Variants in EP300 observed in about 807,000 individuals in gnomAD.
EP300 encodes the protein histone acetyltransferase p300.
A neutral mutation model predicts 264.0 loss-of-function variants in EP300; 31 were observed. The ratio of observed to expected loss-of-function variants is 0.12; its 90% CI spans 0.09 to 0.16. The LOEUF (loss-of-function observed/expected upper bound fraction) is 0.16. Ranked by LOEUF, EP300 falls within the 10% of genes least tolerant of loss-of-function variation. The pLI is 1.00. For synonymous variants in EP300, 1,340 were observed against 1,045.4 expected, an observed-to-expected ratio of 1.28 and a Z score of -5.44; for missense variants, 2,766 against 3,052.9, an observed-to-expected ratio of 0.91 and a Z score of 2.21.
intron 19 of EP300, chr22:41,158,968 A>G (rs2059093185): frequency 5.9e-6 from 1 of 168,380 alleles, no homozygotes; most frequent in Admixed American, 5.7e-5. Flanking sequence ...TTTGCCTCAT[A>G]TTAAGCAAAT....
At chr22:41,133,045 T>A (rs765707349) in intron 6 of EP300, among the ~76,000 whole-genome samples, 4 of 152,128 alleles carry the variant, frequency 2.6e-5, no homozygotes, top group South Asian at 4.1e-4. Flanking sequence ...AGAGACCAGG[T>A]CTTGTCCAGG....
intron 1 of EP300, among the ~76,000 whole-genome samples, chr22:41,115,355 A>C (rs1198431255): frequency 2.0e-5 from 3 of 152,224 alleles, no homozygotes; most frequent in African/African-American, 7.2e-5. Flanking sequence ...CACCCACAAC[A>C]AAGAATTATC....
chr22:41,115,793 T>C (rs1294660837), intron 1 of EP300, among the ~76,000 whole-genome samples: 1 of 152,214 alleles, frequency 6.6e-6, no homozygotes, highest in African/African-American at 2.4e-5. Context: ...GGCTAGACTT[T>C]GGTTAAGGAA....
chr22:41,111,980 C>T (rs1173677584), intron 1 of EP300, among the ~76,000 whole-genome samples: 10 of 135,826 alleles, frequency 7.4e-5, no homozygotes, highest in East Asian at 4.9e-4. Flanking sequence ...CTCCGCCTCC[C>T]GGGTTCACGC....
chr22:41,096,162 C>CA (rs950010381), intron 1 of EP300, among the ~76,000 whole-genome samples: 52 of 145,268 alleles, frequency 3.6e-4, no homozygotes, highest in Admixed American at 8.9e-4. Flanking sequence ...CCTCTCCCTC[C>CA]AAAAAAAAAA....
At chr22:41,130,311 A>G (rs2058911097) in intron 5 of EP300, among the ~76,000 whole-genome samples, 1 of 151,970 alleles carries the variant, frequency 6.6e-6, no homozygotes, top group East Asian at 1.9e-4. Flanking sequence ...TGTCATCCCA[A>G]CAGTTTTGGA....
rs35506286 is a variant in EP300, at chr22:41,170,653, CTTTTTTTTT to C, written c.4452+100_4452+108del. On this transcript the variant is annotated intron_variant, in intron 27 of 30. Coordinates refer to ENST00000263253, the MANE Select transcript of EP300 (RefSeq NM_001429.4). Reference sequence around the variant, plus strand: ...TGCTGCTCTTTGTTCTGTCATTTAACTTTTTTTTTTTTTTTTTTTTTTTTTTGAGACGGA... The same window carrying C: ...TGCTGCTCTTTGTTCTGTCATTTAACTTTTTTTTTTTTTTTTTGAGACGGA... 4.3e-4 allele frequency: 169 copies of C among 391,570 alleles called. 2 individuals are homozygous for C. Among genetic ancestry groups the C allele is most frequent in the East Asian group, 4.2e-3 (75 of 17,722 alleles). The allele number at this position is 391,570 out of a possible 1,614,324, so 24.3% of individuals were successfully genotyped here. A position where few individuals can be genotyped will look rare whatever the true frequency, so the allele number is the denominator to read the frequency against.
rs777976440 is a variant in EP300 at position 41,149,968 on chromosome 22, G to A, written c.2587G>A (p.Val863Ile). ...QPPATTIPAP[V>I]PTPPAMPPGP... ...ACCAGCAACAACAATTCCAGCCCCT[G>A]TTCCTACACCTCCTGCCATGCCACC... The change falls in exon 14 of 31, where the codon GTT (valine) becomes ATT (isoleucine). Residue 863 changes from valine to isoleucine, a missense_variant. By Grantham distance (29) the Val-to-Ile change is conservative (BLOSUM62 3). Coordinates refer to ENST00000263253, the MANE Select transcript of EP300 (RefSeq NM_001429.4). 2 of 1,613,414 alleles carry A rather than the reference G, an allele frequency of 1.2e-6. No individual in the cohort carries two copies. Among genetic ancestry groups the A allele is most frequent in the East Asian group, 4.5e-5 (2 of 44,856 alleles).
At chr22:41,116,380 A>G (rs1024009542) in intron 1 of EP300, among the ~76,000 whole-genome samples, 4 of 151,994 alleles carry the variant, frequency 2.6e-5, no homozygotes, top group Non-Finnish European at 5.9e-5. Flanking sequence ...CCCATCCCCC[A>G]GCAGGCCCTG....
rs1011398762 is a variant in EP300 at position 41,169,708 on chromosome 22, C to T, written c.4286+92C>T. The T allele has an allele frequency of 6.5e-6, 5 of 773,458 alleles. No homozygotes were observed. In the African/African-American group the frequency reaches 6.9e-5, roughly 11 times the overall value. The allele number at this position is 773,458 out of a possible 1,614,324, so 47.9% of individuals were successfully genotyped here. On this transcript the variant is annotated intron_variant, in intron 26 of 30. Transcript: ENST00000263253. ...AATATGCAAATATATAACTCTTGGCCTTTTTTTCCTCATTTTAGTTCTTAC... is the reference window on the plus strand; with the variant it reads ...AATATGCAAATATATAACTCTTGGCTTTTTTTTCCTCATTTTAGTTCTTAC...
intron 14 of EP300, among the ~76,000 whole-genome samples, chr22:41,150,559 C>A (rs1419236935): frequency 2.0e-5 from 3 of 152,030 alleles, no homozygotes; most frequent in Non-Finnish European, 2.9e-5. Context: ...CTTTTTCAAA[C>A]AGTTTGAGCC....
In EP300 at chr22:41,176,447, G is replaced by A. The variant is rs570470790; in HGVS notation, c.4980G>A (p.Thr1660=). ...STMCMLVELH[T]QSQDRFVYTC... is the part of the protein sequence containing the mutation. ...TGTGCATGCTGGTGGAGCTGCACAC[G>A]CAGAGCCAGGACCGCTTTGTCTACA... Residue 1660 remains threonine (T), a synonymous_variant, in exon 30 of 31, where the codon ACG becomes ACA. Coordinates refer to ENST00000263253, the MANE Select transcript of EP300 (RefSeq NM_001429.4). The A allele has an allele frequency of 1.2e-5, 19 of 1,614,192 alleles. No individual in the cohort carries two copies. The highest frequency in any genetic ancestry group is 3.3e-5 in the Admixed American group (2 of 60,018).
At chr22:41,098,199 C>T (rs1405541215) in intron 1 of EP300, among the ~76,000 whole-genome samples, 1 of 151,858 alleles carries the variant, frequency 6.6e-6, no homozygotes, top group African/African-American at 2.4e-5. Flanking sequence ...GATTTTTTTT[C>T]GCTTAATAGA....
intron 1 of EP300, among the ~76,000 whole-genome samples, chr22:41,114,804 A>T (rs972150843): frequency 1.4e-5 from 2 of 141,920 alleles, no homozygotes; most frequent in African/African-American, 5.2e-5. Context: ...TAAAAGATAC[A>T]GAAGGAGCAG....
At position 41,150,021 on chromosome 22, in the gene EP300, C is replaced by G. The variant is rs769353664; in HGVS notation, c.2640C>G (p.Pro880=). The change falls in exon 14 of 31, where the codon CCC becomes CCG. Residue 880 remains proline (P), a synonymous_variant. Coordinates refer to ENST00000263253, the MANE Select transcript of EP300 (RefSeq NM_001429.4). ...PPGPQSQALH[P]PPRQTPTPPT... ...GGCCACAGTCCCAGGCTCTACATCC[C>G]CCTCCAAGGCAGACACCTACACCAC... 3.1e-6 allele frequency: 5 copies of G among 1,613,920 alleles called. No homozygotes were observed. Among genetic ancestry groups the G allele is most frequent in the African/African-American group, 1.3e-5 (1 of 74,882 alleles).
rs1299747862 is a variant in EP300 at position 41,179,648 on chromosome 22, TAGAG to T, written c.*696_*699del. 4 of 226,218 alleles carry T rather than the reference TAGAG, an allele frequency of 1.8e-5. No individual in the cohort carries two copies. Among genetic ancestry groups the T allele is most frequent in the Non-Finnish European group, 3.5e-5 (4 of 113,864 alleles). The allele number at this position is 226,218 out of a possible 1,614,324, so 14.0% of individuals were successfully genotyped here. A position where few individuals can be genotyped will look rare whatever the true frequency, so the allele number is the denominator to read the frequency against. On this transcript the variant is annotated 3_prime_UTR_variant, in exon 31 of 31. Coordinates refer to ENST00000263253, the MANE Select transcript of EP300 (RefSeq NM_001429.4). ...CAAGTATTAAAATAATTTGTACATG[TAGAG>T]AGAAAAATGACTTTTTCAAAAATAT...
At chr22:41,139,377 G>T (rs143128231) in intron 8 of EP300, among the ~76,000 whole-genome samples, 2,762 of 152,276 alleles carry the variant, frequency 0.018, 77 homozygotes, top group African/African-American at 0.064. Flanking sequence ...GACTATTCAG[G>T]AACTTTTATT....
intron 14 of EP300, 70 bp from the exon 15 acceptor site, chr22:41,151,763 C>T (rs904450534): frequency 3.3e-6 from 5 of 1,501,130 alleles, no homozygotes; most frequent in South Asian, 1.1e-5. Flanking sequence ...TGTTGCTTAC[C>T]TTACATTCTG....
At chr22:41,144,347 T>G (rs2058999024) in intron 10 of EP300, among the ~76,000 whole-genome samples, 1 of 152,116 alleles carries the variant, frequency 6.6e-6, no homozygotes, top group Non-Finnish European at 1.5e-5. Context: ...TTTCTTTACC[T>G]CTAAATATTT....
Sources: allele counts gnomAD v4.1 joint callset (sites outside exome capture counted in the v4.1 genomes callset), GRCh38; gene constraint gnomAD v4.1.1; transcripts MANE v1.5; gene names NCBI Gene and HGNC (gene_info 2026-07-23, HGNC 2026-07-21).